The following GAS6 variants were observed in gnomAD, a reference collection of about 807,000 sequenced individuals.
The protein encoded by GAS6 is growth arrest-specific protein 6.
A neutral mutation model predicts 75.8 loss-of-function variants in GAS6; 41 were observed. That is an observed-to-expected ratio of 0.54 (90% CI 0.42 to 0.70). The LOEUF is 0.70. GAS6 is among the 30% of genes least tolerant of loss of function. The pLI is 0.00. For missense variants in GAS6, 854 were observed against 940.2 expected (o/e 0.91, Z 1.20); for synonymous variants, 432 against 412.6 (o/e 1.05, Z -0.57).
At chr13:113,831,348 CA>C (rs1457270355) in intron 10 of GAS6, among the ~76,000 whole-genome samples, 1 of 152,138 alleles carries the variant, frequency 6.6e-6, no homozygotes, top group African/African-American at 2.4e-5. Context: ...TCAGGGACCG[CA>C]GCGTCCACGC....
chr13:113,840,951 G>T (rs1002882266), intron 4 of GAS6: 3 of 152,306 alleles, frequency 2.0e-5, no homozygotes, highest in Non-Finnish European at 4.4e-5. Context: ...GGGCCAGCAG[G>T]GCCCTAGGGC....
rs1000290084 is a variant in GAS6, at chr13:113,848,605, G to A, written c.256-555C>T. ...GTCACTTGGCCAGCAGAGGCCGGCC[G>A]GAAACTTCTTCAGGATCCTTTTGCC... On this transcript the variant is annotated intron_variant, in intron 2 of 14. Transcript: ENST00000327773. This position sits in a 1 kb window ranked among gnomAD's most constrained non-coding sequence, Gnocchi z 4.8. Among the ~76,000 whole-genome samples the A allele has an allele frequency of 6.6e-6, 1 of 152,090 alleles. No homozygotes were observed. Among genetic ancestry groups the A allele is most frequent in the African/African-American group, 2.4e-5 (1 of 41,396 alleles).
At chr13:113,846,426 TA>T (rs2051834216) in intron 4 of GAS6, 100 bp downstream of exon 4, 4 of 988,380 alleles carry the variant, frequency 4.0e-6, no homozygotes, top group Admixed American at 2.1e-5. Context: ...CACAGCTCCT[TA>T]AAAAACAGAA....
At chr13:113,854,535 G>A (rs541341006) in intron 2 of GAS6, among the ~76,000 whole-genome samples, 38 of 152,352 alleles carry the variant, frequency 2.5e-4, no homozygotes, top group African/African-American at 8.4e-4. Context: ...GCATGCTCCC[G>A]ACAGCCCCCA....
At chr13:113,835,749 G>A in intron 6 of GAS6, 114 bp from the exon 7 acceptor site, 1 of 1,498,886 alleles carries the variant, frequency 6.7e-7, no homozygotes, top group Non-Finnish European at 8.9e-7. Flanking sequence ...TCCAGACTCT[G>A]TGGGGCCAGC....
At chr13:113,849,809 C>T (rs2051859763) in intron 2 of GAS6, among the ~76,000 whole-genome samples, 1 of 152,184 alleles carries the variant, frequency 6.6e-6, no homozygotes, top group Non-Finnish European at 1.5e-5. Flanking sequence ...GCCCTGGGCA[C>T]TGTATCCTAA....
chr13:113,844,560 T>G lies in GAS6; in HGVS notation c.343+1967A>C, dbSNP rs774505941. 1 of 150,620 alleles carries G rather than the reference T, an allele frequency of 6.6e-6. No homozygotes were observed. The highest frequency in any genetic ancestry group is 1.5e-5 in the Non-Finnish European group (1 of 68,022). The allele number at this position is 150,620 out of a possible 1,614,324, so 9.3% of individuals were successfully genotyped here. Reference sequence around the variant, plus strand: ...TCAGACACAGTCTCCGATATATGAATGGCAAGCCCAGTTAAAAATATCTAA... The same window carrying G: ...TCAGACACAGTCTCCGATATATGAAGGGCAAGCCCAGTTAAAAATATCTAA... On this transcript the variant is annotated intron_variant, in intron 4 of 14. Transcript: ENST00000327773. This position sits in a 1 kb window ranked among gnomAD's most constrained non-coding sequence, Gnocchi z 5.7.
In GAS6 at chr13:113,837,050, ATC is replaced by A. The variant is rs2051725400; in HGVS notation, c.589+1017_589+1018del. 6.6e-6 allele frequency among the ~76,000 whole-genome samples: 1 copy of A among 151,720 alleles called. No homozygotes were observed. Among genetic ancestry groups the A allele is most frequent in the Non-Finnish European group, 1.5e-5 (1 of 67,918 alleles). ...ACCCACGGGAGATGCTTTAGACGTC[ATC>A]TCTCAGGATCGGCCTAGTCTTCACC... is the stretch of plus-strand genomic sequence containing the variant. On this transcript the variant is annotated intron_variant, in intron 6 of 14. Transcript: ENST00000327773. The surrounding 1 kb of genome is among the most constrained non-coding windows in gnomAD (Gnocchi z 5.1).
intron 3 of GAS6, chr13:113,847,820 C>A: frequency 1.6e-6 from 1 of 615,166 alleles, no homozygotes; most frequent in South Asian, 1.8e-5. Context: ...ACCTGAGGTT[C>A]CACTAACACG....
intron 2 of GAS6, among the ~76,000 whole-genome samples, chr13:113,859,934 C>T (rs970929735): frequency 6.6e-6 from 1 of 152,198 alleles, no homozygotes; most frequent in South Asian, 2.1e-4. Context: ...GTGGCTGTTC[C>T]CAAGTGGGGA....
Position 113,834,741 on chromosome 13 carries a change from G to A in GAS6, c.713-69C>T, listed in dbSNP as rs374730379. 418 of 1,352,298 alleles carry A rather than the reference G, an allele frequency of 3.1e-4. 3 individuals are homozygous for A. In the East Asian group the frequency reaches 7.2e-3, roughly 23 times the overall value. 83.8% of individuals were successfully genotyped at this position (1,352,298 alleles called of 1,614,324 possible). A position where few individuals can be genotyped will look rare whatever the true frequency, so the allele number is the denominator to read the frequency against. On this transcript the variant is annotated intron_variant, in intron 7 of 14. Coordinates refer to ENST00000327773, the MANE Select transcript of GAS6 (RefSeq NM_000820.4). ...CGCTGTCCCGCCGTGGGATCACACC[G>A]CGATTGCTCAAACCACACGCAAGGT...
intron 2 of GAS6, among the ~76,000 whole-genome samples, chr13:113,859,364 ATGTC>A (rs2051950230): frequency 7.0e-6 from 1 of 143,100 alleles, no homozygotes; most frequent in South Asian, 2.3e-4. Flanking sequence ...GTGTGACTGT[ATGTC>A]TATGTGAATG....
In GAS6 at chr13:113,832,705, G is replaced by T; in HGVS notation, c.882C>A (p.Ser294=). The part of the protein sequence containing the change: ...VPFSVAKSVK[S]LYLGRMFSGT... ...CACTGAACATCCGGCCCAGGTACAA[G>T]GACTTCACACTCTTGGCCACGCTGA... The change falls in exon 9 of 15, where the codon TCC becomes TCA. Residue 294 remains serine, a synonymous_variant. Coordinates refer to ENST00000327773, the MANE Select transcript of GAS6 (RefSeq NM_000820.4). 1 of 1,612,758 alleles carries T rather than the reference G, an allele frequency of 6.2e-7. No homozygotes were observed. Among genetic ancestry groups the T allele is most frequent in the Non-Finnish European group, 8.5e-7 (1 of 1,179,976 alleles).
At chr13:113,840,853 AG>A (rs2051767663) in intron 4 of GAS6, 1 of 152,216 alleles carries the variant, frequency 6.6e-6, no homozygotes, top group Non-Finnish European at 1.5e-5. Context: ...AACCCTGGGT[AG>A]GGCCCCCCTG....
intron 10 of GAS6, 31 bp from the exon 11 acceptor site, chr13:113,828,742 G>A: frequency 6.2e-7 from 1 of 1,605,256 alleles, no homozygotes; most frequent in Non-Finnish European, 8.5e-7. Context: ...GAGAAAAGAT[G>A]GGAGTGCACG....
Position 113,846,444 on chromosome 13 carries a change from A to G in GAS6, c.343+83T>C, listed in dbSNP as rs566662395. The stretch of plus-strand genomic sequence containing the variant: ...AGCTCCTTAAAAAACAGAACTATTC[A>G]GGGCCCTCCACAAACCACAGCCAAG... On this transcript the variant is annotated intron_variant, in intron 4 of 14. Coordinates refer to ENST00000327773, the MANE Select transcript of GAS6 (RefSeq NM_000820.4). 2.6e-6 allele frequency: 3 copies of G among 1,171,594 alleles called. No individual in the cohort carries two copies. The East Asian group carries it at 7.0e-5, about 27-fold the overall frequency. The allele number at this position is 1,171,594 out of a possible 1,614,324, so 72.6% of individuals were successfully genotyped here.
intron 6 of GAS6, chr13:113,835,979 AC>A (rs926988399): frequency 2.8e-6 from 3 of 1,069,588 alleles, no homozygotes; most frequent in East Asian, 1.3e-4. Context: ...GTAAAAAGTA[AC>A]CCCCCGGGGG....
rs553274591 is a variant in GAS6 at position 113,834,923 on chromosome 13, G to A, written c.713-251C>T. Among the ~76,000 whole-genome samples, 542 of 152,356 alleles carry A rather than the reference G, an allele frequency of 3.6e-3. 11 individuals are homozygous for A. The highest frequency in any genetic ancestry group is 9.3e-3 in the East Asian group (48 of 5,182). The stretch of plus-strand genomic sequence containing the variant: ...GGTGTCCCAGGAGGGTGCTCCCAAC[G>A]AGCCAGACCCACCCCCGCTGCCGGG... On this transcript the variant is annotated intron_variant, in intron 7 of 14. Coordinates refer to ENST00000327773, the MANE Select transcript of GAS6 (RefSeq NM_000820.4).
At chr13:113,854,447 T>C (rs60003099) in intron 2 of GAS6, among the ~76,000 whole-genome samples, 14,588 of 152,158 alleles carry the variant, frequency 0.096, 913 homozygotes, top group East Asian at 0.17. Context: ...TCCCCCTGCA[T>C]GGAAGTCATG....
Sources: gnomAD v4.1 joint callset for allele counts (sites outside exome capture counted in the v4.1 genomes callset) on GRCh38, gnomAD v4.1.1 for gene constraint, Gnocchi (gnomAD v3.1) non-coding constraint, MANE v1.5 for transcripts, NCBI Gene and HGNC (gene_info 2026-07-23, HGNC 2026-07-21) for gene names.